Variants in MROH7 observed in about 807,000 individuals in gnomAD.
The protein encoded by MROH7 is maestro heat like repeat family member 7.
MROH7 carries 113 observed loss-of-function variants against 129.2 expected under a neutral mutation model. That is an observed-to-expected ratio of 0.87 (90% CI 0.75 to 1.02). The LOEUF is 1.02. Ranked by LOEUF, MROH7 falls within the 50% of genes least tolerant of loss-of-function variation. The pLI, the probability that MROH7 is intolerant of heterozygous loss-of-function variation, is 0.00. For missense variants in MROH7, 1,601 were observed against 1,671.3 expected (o/e 0.96, Z 0.73); for synonymous variants, 655 against 667.9 (o/e 0.98, Z 0.30).
chr1:54,685,137 T>C (rs2101146672), intron 14 of MROH7, among the ~76,000 whole-genome samples: 1 of 152,086 alleles, frequency 6.6e-6, no homozygotes, highest in African/African-American at 2.4e-5. Flanking sequence ...ATGCCTCAGC[T>C]TCCCGAGCAG....
chr1:54,663,186 CATTTATTTATTT>C (rs113806263), intron 3 of MROH7, among the ~76,000 whole-genome samples: 1 of 151,686 alleles, frequency 6.6e-6, no homozygotes, highest in South Asian at 2.1e-4. Context: ...TCAAACTTTC[CATTTATTTATTT>C]ATTTATTTAT....
intron 10 of MROH7, among the ~76,000 whole-genome samples, chr1:54,677,496 C>T (rs1645001375): frequency 1.3e-5 from 2 of 152,220 alleles, no homozygotes; most frequent in Non-Finnish European, 2.9e-5. Context: ...CCCACGGCCA[C>T]TCTCAAGATT....
intron 22 of MROH7, among the ~76,000 whole-genome samples, chr1:54,707,121 G>A (rs1337366531): frequency 2.6e-5 from 4 of 151,852 alleles, no homozygotes; most frequent in Non-Finnish European, 5.9e-5. Flanking sequence ...TTTCTTTTTG[G>A]AAAAAACAAA....
rs371783540 is a variant in MROH7 at position 54,700,402 on chromosome 1, C to T, written c.3046C>T (p.Pro1016Ser). Residue 1016 changes from proline (P) to serine (S), a missense_variant, in exon 18 of 24, where the codon CCC becomes TCC. Pro to Ser is a moderately conservative substitution (Grantham distance 74). Coordinates refer to ENST00000421030, the MANE Select transcript of MROH7 (RefSeq NM_001039464.4). ...GGCAGAAGGCCTGAGCCACCACGAC[C>T]CCATCATGAAGGTGCTGTCCATTCG... ...RMAEGLSHHD[P>S]IMKVLSIRGL... is the part of the protein sequence containing the mutation. 2.5e-6 allele frequency: 4 copies of T among 1,613,552 alleles called. No homozygotes were observed. Among genetic ancestry groups the T allele is most frequent in the Non-Finnish European group, 3.4e-6 (4 of 1,179,780 alleles).
chr1:54,683,752 C>A (rs1645106886), intron 14 of MROH7, among the ~76,000 whole-genome samples: 1 of 152,140 alleles, frequency 6.6e-6, no homozygotes, highest in Non-Finnish European at 1.5e-5. Flanking sequence ...TGTCACAGGG[C>A]CTTTGCACAT....
Position 54,692,480 on chromosome 1 carries a change from C to G in MROH7, c.2768C>G (p.Thr923Ser). Residue 923 changes from threonine to serine, a missense_variant, in exon 16 of 24, where the codon ACC becomes AGC. By Grantham distance (58) the Thr-to-Ser change is moderately conservative. Coordinates refer to ENST00000421030, the MANE Select transcript of MROH7 (RefSeq NM_001039464.4). ...LLLRMGCSYE[T>S]TFLEDQGGWE... ...CTGAGGATGGGCTGCTCTTATGAGA[C>G]CACGTTTCTGGAGGACCAGGGTGGC... The G allele has an allele frequency of 6.2e-7, 1 of 1,614,096 alleles. No individual in the cohort carries two copies. The highest frequency in any genetic ancestry group is 1.1e-5 in the South Asian group (1 of 91,066).
chr1:54,686,358 A>G lies in MROH7; in HGVS notation c.2621A>G (p.His874Arg), dbSNP rs1281558909. 1 of 1,614,156 alleles carries G rather than the reference A, an allele frequency of 6.2e-7. No homozygotes were observed. The change falls in exon 15 of 24, where the codon CAT becomes CGT. Residue 874 changes from histidine (H) to arginine (R), a missense_variant. Transcript: ENST00000421030. The part of the protein sequence containing the change: ...QLLLALLIQV[H>R]YHIGLNLPGC... ...CTCCTGGCCCTGCTCATTCAGGTCC[A>G]TTACCACATCGGCCTCAACCTGCCT... is the stretch of plus-strand genomic sequence containing the variant.
rs1645538788 is a variant in MROH7, at chr1:54,706,625, A to C, written c.3667+88A>C. 6 of 946,804 alleles carry C rather than the reference A, an allele frequency of 6.3e-6. No individual in the cohort carries two copies. In the Admixed American group the frequency reaches 1.2e-4, roughly 19 times the overall value. The allele number at this position is 946,804 out of a possible 1,614,324, so 58.7% of individuals were successfully genotyped here. On this transcript the variant is annotated intron_variant, in intron 22 of 23. Transcript: ENST00000421030. Reference sequence around the variant, plus strand: ...CTCCCAGGCTGCTAGCCCTTTCAGCACCTGGGGGGATGCTTCCCTTTGGGT... The same window carrying C: ...CTCCCAGGCTGCTAGCCCTTTCAGCCCCTGGGGGGATGCTTCCCTTTGGGT...
rs201702799 is a variant in MROH7, at chr1:54,655,388, GAGACAAA to G, written c.1231+1234_1231+1240del. Among the ~76,000 whole-genome samples the G allele has an allele frequency of 7.2e-3, 1,094 of 151,130 alleles. 11 individuals carry two copies. Among genetic ancestry groups the G allele is most frequent in the African/African-American group, 0.026 (1,052 of 41,156 alleles). Reference sequence around the variant, plus strand: ...AACATTTTATTTTATTTTATTTTTTGAGACAAAAGTCTCACTCTGTTGCCCAGGCTGG... The same window carrying G: ...AACATTTTATTTTATTTTATTTTTTGAGTCTCACTCTGTTGCCCAGGCTGG... On this transcript the variant is annotated intron_variant, in intron 3 of 23. Coordinates refer to ENST00000421030, the MANE Select transcript of MROH7 (RefSeq NM_001039464.4).
rs114952619 is a variant in MROH7, at chr1:54,653,769, C to T, written c.843C>T (p.Ser281=). 2.6e-3 allele frequency: 4,235 copies of T among 1,614,174 alleles called. 14 individuals carry two copies. The highest frequency in any genetic ancestry group is 3.3e-3 in the Non-Finnish European group (3,923 of 1,180,036). Residue 281 remains serine, a synonymous_variant, in exon 3 of 24, where the codon AGC becomes AGT. Coordinates refer to ENST00000421030, the MANE Select transcript of MROH7 (RefSeq NM_001039464.4). The part of the protein sequence containing the change: ...SSKETMNVAS[S]GHSRSDLSVT... Reference sequence around the variant, plus strand: ...AGGAAACCATGAATGTGGCTTCCAGCGGCCACTCCAGATCTGATTTGAGCG... The same window carrying T: ...AGGAAACCATGAATGTGGCTTCCAGTGGCCACTCCAGATCTGATTTGAGCG...
chr1:54,655,724 T>A (rs897800769), intron 3 of MROH7, among the ~76,000 whole-genome samples: 1 of 151,910 alleles, frequency 6.6e-6, no homozygotes. Flanking sequence ...TCTTAGGGAT[T>A]TTTTTAGGGC....
chr1:54,657,810 G>A (rs942922828), intron 3 of MROH7, among the ~76,000 whole-genome samples: 48 of 151,850 alleles, frequency 3.2e-4, no homozygotes, highest in African/African-American at 1.2e-3. Flanking sequence ...ACAGGTGTGT[G>A]CCACTATGCC....
intron 12 of MROH7, among the ~76,000 whole-genome samples, 174 bp downstream of exon 12, chr1:54,679,613 A>G (rs1047748871): frequency 2.0e-5 from 3 of 152,044 alleles, no homozygotes; most frequent in African/African-American, 7.2e-5. Context: ...TCCCACCTTG[A>G]AGGTTTTCTC....
intron 16 of MROH7, among the ~76,000 whole-genome samples, chr1:54,693,861 T>C (rs1645278234): frequency 6.6e-6 from 1 of 152,212 alleles, no homozygotes. Flanking sequence ...ATCCTCACCG[T>C]GACTGATGAA....
intron 3 of MROH7, chr1:54,663,919 C>T (rs1350034239): frequency 2.1e-5 from 7 of 338,900 alleles, no homozygotes; most frequent in East Asian, 8.7e-5. Context: ...CATCCTCCAG[C>T]GTCCTCTGGT....
chr1:54,646,506 A>T (rs1005879689), intron 1 of MROH7, among the ~76,000 whole-genome samples: 1 of 152,240 alleles, frequency 6.6e-6, no homozygotes, highest in African/African-American at 2.4e-5. Context: ...TGAGATGCCT[A>T]GTCAGTCACT....
At chr1:54,656,299 G>A in intron 3 of MROH7, among the ~76,000 whole-genome samples, 1 of 150,636 alleles carries the variant, frequency 6.6e-6, no homozygotes, top group East Asian at 2.0e-4. Flanking sequence ...ATCACCTGAG[G>A]TCAGGAGTTC....
At position 54,671,273 on chromosome 1, in the gene MROH7, G is replaced by A. The variant is rs551089911; in HGVS notation, c.1599+344G>A. On this transcript the variant is annotated intron_variant, in intron 7 of 23. Transcript: ENST00000421030. ...AACTTAGCCGGGCGTGGCAGCGGGC[G>A]CCTGTAGGCCCAGCAACTCAGGAGG... 5.3e-5 allele frequency among the ~76,000 whole-genome samples: 8 copies of A among 152,192 alleles called. No individual in the cohort carries two copies. In the South Asian group the frequency reaches 1.0e-3, roughly 20 times the overall value.
chr1:54,708,900 G>A, intron 22 of MROH7, 114 bp from the exon 23 acceptor site: 1 of 899,922 alleles, frequency 1.1e-6, no homozygotes, highest in Admixed American at 1.8e-5. Flanking sequence ...GTTCTCATGT[G>A]TGGGGCTGGA....
Sources: gnomAD v4.1 joint callset for allele counts (sites outside exome capture counted in the v4.1 genomes callset) on GRCh38, gnomAD v4.1.1 for gene constraint, MANE v1.5 for transcripts, NCBI Gene and HGNC (gene_info 2026-07-23, HGNC 2026-07-21) for gene names.